Variants in SGCZ observed in about 807,000 individuals in gnomAD.
SGCZ encodes sarcoglycan zeta.
In SGCZ, 40 loss-of-function variants were observed where a neutral mutation model predicts 41.3. The observed-to-expected ratio is 0.97, with a 90% confidence interval of 0.75 to 1.26. The LOEUF is 1.26. Ranked by LOEUF, SGCZ falls within the 50% of genes most tolerant of loss-of-function variation. The probability of loss-of-function intolerance (pLI) is 0.00; values close to 1 mark genes in which losing one functional copy is unlikely to be tolerated. For missense variants in SGCZ, 552 were observed against 369.8 expected (o/e 1.49, Z -4.04); for synonymous variants, 206 against 137.5 (o/e 1.50, Z -3.49).
At chr8:15,044,734 G>T (rs1804238394) in intron 1 of SGCZ, among the ~76,000 whole-genome samples, 1 of 152,098 alleles carries the variant, frequency 6.6e-6, no homozygotes, top group Non-Finnish European at 1.5e-5. Flanking sequence ...ATGATGATTA[G>T]GAGTTAATTA....
chr8:14,730,761 G>A (rs1300602827), intron 1 of SGCZ, among the ~76,000 whole-genome samples: 1 of 151,666 alleles, frequency 6.6e-6, no homozygotes, highest in East Asian at 1.9e-4. Flanking sequence ...ACAAATCTAT[G>A]TTAAATTGGA....
chr8:14,479,200 C>A (rs897719489), intron 2 of SGCZ, among the ~76,000 whole-genome samples: 1 of 152,212 alleles, frequency 6.6e-6, no homozygotes, highest in Non-Finnish European at 1.5e-5. Context: ...ACAGCGCAGC[C>A]TTCAGTCTGT....
chr8:14,624,406 C>T (rs1806380959), intron 1 of SGCZ, among the ~76,000 whole-genome samples: 1 of 151,812 alleles, frequency 6.6e-6, no homozygotes, highest in African/African-American at 2.4e-5. Context: ...CTTTCAAATA[C>T]ATTTACCAAT....
At chr8:14,508,044 TACC>T (rs974259977) in intron 2 of SGCZ, among the ~76,000 whole-genome samples, 1 of 152,172 alleles carries the variant, frequency 6.6e-6, no homozygotes, top group Non-Finnish European at 1.5e-5. Context: ...GTGCTAGGAT[TACC>T]GGCGTGAGTC....
chr8:14,558,391 A>G (rs1169321234), intron 1 of SGCZ, among the ~76,000 whole-genome samples: 2 of 152,106 alleles, frequency 1.3e-5, no homozygotes, highest in African/African-American at 4.8e-5. Context: ...CCTGGCCAAC[A>G]TGGGAAAATC....
intron 1 of SGCZ, among the ~76,000 whole-genome samples, chr8:14,906,637 A>G (rs1306319924): frequency 6.6e-6 from 1 of 152,230 alleles, no homozygotes; most frequent in African/African-American, 2.4e-5. Flanking sequence ...TACTAAATCC[A>G]TATTATACTT....
At chr8:14,479,872 A>C (rs1415528684) in intron 2 of SGCZ, among the ~76,000 whole-genome samples, 5 of 151,674 alleles carry the variant, frequency 3.3e-5, no homozygotes, top group South Asian at 2.1e-4. Flanking sequence ...CAGGCTCCCA[A>C]GTAGCTGGGA....
At chr8:14,460,763 C>G (rs558290454) in intron 2 of SGCZ, among the ~76,000 whole-genome samples, 4 of 152,128 alleles carry the variant, frequency 2.6e-5, no homozygotes, top group Non-Finnish European at 5.9e-5. Flanking sequence ...AGATGCCTAA[C>G]TTTAGAGCTA....
chr8:15,019,214 C>T (rs1256361942), intron 1 of SGCZ, among the ~76,000 whole-genome samples: 2 of 152,108 alleles, frequency 1.3e-5, no homozygotes, highest in African/African-American at 4.8e-5. Context: ...CTGAGAATGA[C>T]TTATGGGGGT....
chr8:15,021,990 C>T (rs1488475335), intron 1 of SGCZ, among the ~76,000 whole-genome samples: 4 of 152,160 alleles, frequency 2.6e-5, no homozygotes, highest in African/African-American at 9.6e-5. Context: ...AGAAACATAA[C>T]CTTGTGCATA....
intron 1 of SGCZ, among the ~76,000 whole-genome samples, chr8:14,885,660 G>A (rs765992862): frequency 5.9e-5 from 9 of 151,938 alleles, no homozygotes; most frequent in Non-Finnish European, 1.2e-4. Flanking sequence ...ATTCCCCACA[G>A]TGCCTGGCAC....
chr8:14,766,543 T>C (rs773545485), intron 1 of SGCZ, among the ~76,000 whole-genome samples: 24 of 151,822 alleles, frequency 1.6e-4, no homozygotes, highest in Non-Finnish European at 2.4e-4. Context: ...CATTTTTAGT[T>C]TTATTACTTT....
intron 1 of SGCZ, among the ~76,000 whole-genome samples, chr8:15,118,265 C>T (rs1807344089): frequency 6.6e-6 from 1 of 152,110 alleles, no homozygotes; most frequent in Admixed American, 6.5e-5. Context: ...CTGAGCAGGG[C>T]AAAGATTTGA....
intron 1 of SGCZ, among the ~76,000 whole-genome samples, chr8:15,162,023 G>C (rs147714883): frequency 8.9e-4 from 135 of 152,270 alleles, no homozygotes; most frequent in African/African-American, 3.1e-3. Context: ...AGCGTGAAAA[G>C]AGGCAAACTG....
chr8:14,688,934 T>A (rs1174991941), intron 1 of SGCZ, among the ~76,000 whole-genome samples: 1 of 151,924 alleles, frequency 6.6e-6, no homozygotes, highest in African/African-American at 2.4e-5. Context: ...ACAAAATCAA[T>A]ATACAAAAAT....
At chr8:14,969,307 C>A (rs1187417433) in intron 1 of SGCZ, among the ~76,000 whole-genome samples, 2 of 152,130 alleles carry the variant, frequency 1.3e-5, no homozygotes. Context: ...CTACTCCTAT[C>A]TGTTGCAGAG....
chr8:14,849,252 A>T (rs976673241), intron 1 of SGCZ, among the ~76,000 whole-genome samples: 1 of 152,180 alleles, frequency 6.6e-6, no homozygotes, highest in Non-Finnish European at 1.5e-5. Context: ...AATCTTTTTT[A>T]AAAAGAATTT....
At chr8:15,028,987 C>T (rs116305919) in intron 1 of SGCZ, among the ~76,000 whole-genome samples, 6,090 of 152,116 alleles carry the variant, frequency 0.04, 150 homozygotes, top group Non-Finnish European at 0.056. Context: ...TTCCTGCATA[C>T]TGATGAACTA....
At chr8:14,534,690 G>C (rs1803241978) in intron 2 of SGCZ, among the ~76,000 whole-genome samples, 1 of 151,530 alleles carries the variant, frequency 6.6e-6, no homozygotes, top group Non-Finnish European at 1.5e-5. Flanking sequence ...AGGGTACAAG[G>C]TAACAATATC....
Sources: gnomAD v4.1 joint callset for allele counts (sites outside exome capture counted in the v4.1 genomes callset) on GRCh38, gnomAD v4.1.1 for gene constraint, MANE v1.5 for transcripts, NCBI Gene and HGNC (gene_info 2026-07-23, HGNC 2026-07-21) for gene names.